Variants in ACOX3 observed in about 807,000 individuals in gnomAD.
The protein encoded by ACOX3 is acyl-CoA oxidase 3, pristanoyl, also known as peroxisomal acyl-coenzyme A oxidase 3.
ACOX3 carries 73 observed loss-of-function variants against 81.5 expected under a neutral mutation model. The ratio of observed to expected loss-of-function variants is 0.90; its 90% CI spans 0.74 to 1.09. ACOX3 has a LOEUF of 1.09. Among genes scored for constraint, ACOX3 ranks in the 50% least tolerant of loss-of-function variants. The pLI, the probability that ACOX3 is intolerant of heterozygous loss-of-function variation, is 0.00. For synonymous variants in ACOX3, 387 were observed against 375.1 expected, an observed-to-expected ratio of 1.03 and a Z score of -0.37; for missense variants, 947 against 928.0, an observed-to-expected ratio of 1.02 and a Z score of -0.27.
rs199886552 is a variant in ACOX3, at chr4:8,381,435, C to T, written c.1653+57G>A. On this transcript the variant is annotated intron_variant, in intron 14 of 17. Coordinates refer to ENST00000356406, the MANE Select transcript of ACOX3 (RefSeq NM_003501.3). The surrounding 1 kb of genome is among the most constrained non-coding windows in gnomAD (Gnocchi z 4.3). The stretch of plus-strand genomic sequence containing the variant: ...GATGTTCAAACTCCCAGGGACACAA[C>T]GGCCAGGGAATTAAGAGCAAATAAT... The T allele has an allele frequency of 1.3e-3, 1,916 of 1,502,090 alleles. 37 individuals are homozygous for T. In the South Asian group the frequency reaches 0.019, roughly 15 times the overall value. The allele number at this position is 1,502,090 out of a possible 1,614,324, so 93.0% of individuals were successfully genotyped here.
In ACOX3 at chr4:8,399,935, A is replaced by G. The variant is rs1459958655; in HGVS notation, c.777-283T>C. Among the ~76,000 whole-genome samples the G allele has an allele frequency of 2.0e-5, 3 of 152,188 alleles. No homozygotes were observed. The highest frequency in any genetic ancestry group is 7.2e-5 in the African/African-American group (3 of 41,440). ...GGCAACACAGTGAGACCCTGTTTCTAAAAAAGAAAAAAATGTAGGTTAAAA... is the reference window on the plus strand; with the variant it reads ...GGCAACACAGTGAGACCCTGTTTCTGAAAAAGAAAAAAATGTAGGTTAAAA... On this transcript the variant is annotated intron_variant, in intron 7 of 17. Coordinates refer to ENST00000356406, the MANE Select transcript of ACOX3 (RefSeq NM_003501.3). This position sits in a 1 kb window ranked among gnomAD's most constrained non-coding sequence, Gnocchi z 4.9.
At chr4:8,372,035 GCACA>G (rs1238003941) in intron 16 of ACOX3, among the ~76,000 whole-genome samples, 1 of 152,174 alleles carries the variant, frequency 6.6e-6, no homozygotes, top group Non-Finnish European at 1.5e-5. Flanking sequence ...GTATGGATGG[GCACA>G]CACAGAGTGG....
chr4:8,379,205 T>G (rs1033637094), intron 14 of ACOX3, among the ~76,000 whole-genome samples: 1 of 152,198 alleles, frequency 6.6e-6, no homozygotes, highest in African/African-American at 2.4e-5. Context: ...CCGGTTCCCA[T>G]CTTCCTGAAA....
Position 8,399,438 on chromosome 4 carries a change from G to T in ACOX3, c.873+118C>A, listed in dbSNP as rs553294975. 45 of 850,420 alleles carry T rather than the reference G, an allele frequency of 5.3e-5. No homozygotes were observed. In the African/African-American group the frequency reaches 6.5e-4, roughly 12 times the overall value. 52.7% of individuals were successfully genotyped at this position (850,420 alleles called of 1,614,324 possible). On this transcript the variant is annotated intron_variant, in intron 8 of 17. Transcript: ENST00000356406. This position sits in a 1 kb window ranked among gnomAD's most constrained non-coding sequence, Gnocchi z 4.9. ...CGAGCCAGGAGAAGTATGCCCCAGC[G>T]ACACCTGGCCTACGTGGAGGGGTCT...
chr4:8,426,435 G>C lies in ACOX3; in HGVS notation c.-14-9900C>G, dbSNP rs550675088. Among the ~76,000 whole-genome samples the C allele has an allele frequency of 2.6e-5, 4 of 152,156 alleles. No homozygotes were observed. The East Asian group carries it at 7.7e-4, about 29-fold the overall frequency. ...CGCTAGCTATTCCTGTGAACCTCTA[G>C]AGGATCTGCACCTGCTCTTCAAGCG... On this transcript the variant is annotated intron_variant, in intron 1 of 17. Transcript: ENST00000356406.
downstream of ACOX3, among the ~76,000 whole-genome samples, chr4:8,363,563 A>T (rs1047265150): frequency 4.6e-5 from 7 of 152,152 alleles, no homozygotes; most frequent in Non-Finnish European, 8.8e-5. Flanking sequence ...GTTGTCTTAT[A>T]AAAGGGAGGG....
In ACOX3 at chr4:8,425,013, C is replaced by T. The variant is rs192810446; in HGVS notation, c.-14-8478G>A. ...GAGAAGGAAAAAGGGTAAATATATA[C>T]ACAGACTCTAAGAATGCTTACCTAG... On this transcript the variant is annotated intron_variant, in intron 1 of 17. Coordinates refer to ENST00000356406, the MANE Select transcript of ACOX3 (RefSeq NM_003501.3). Among the ~76,000 whole-genome samples, 65 of 152,168 alleles carry T rather than the reference C, an allele frequency of 4.3e-4. 1 individual carries two copies. The highest frequency in any genetic ancestry group is 7.8e-4 in the Non-Finnish European group (53 of 68,036).
chr4:8,407,885 A>T lies in ACOX3; in HGVS notation c.688-1842T>A, dbSNP rs1721182061. ...CCACCTTCCCCTTCCCCACCAGGGG[A>T]CACGGGTGGTGTCTGGAGAGATTCT... On this transcript the variant is annotated intron_variant, in intron 6 of 17. Coordinates refer to ENST00000356406, the MANE Select transcript of ACOX3 (RefSeq NM_003501.3). The surrounding 1 kb of genome is among the most constrained non-coding windows in gnomAD (Gnocchi z 4.6). Among the ~76,000 whole-genome samples, 1 of 152,138 alleles carries T rather than the reference A, an allele frequency of 6.6e-6. No homozygotes were observed. The highest frequency in any genetic ancestry group is 1.5e-5 in the Non-Finnish European group (1 of 68,028).
chr4:8,375,211 G>C (rs1426718842), intron 14 of ACOX3, 59 bp from the exon 15 acceptor site: 3 of 1,455,514 alleles, frequency 2.1e-6, no homozygotes, highest in East Asian at 2.5e-5. Flanking sequence ...CCAGATTCCC[G>C]GGGGAGGAAG....
chr4:8,406,079 G>A lies in ACOX3; in HGVS notation c.688-36C>T, dbSNP rs1190718779. 2.5e-6 allele frequency: 4 copies of A among 1,589,380 alleles called. No homozygotes were observed. The African/African-American group carries it at 4.0e-5, about 16-fold the overall frequency. On this transcript the variant is annotated intron_variant, in intron 6 of 17. Coordinates refer to ENST00000356406, the MANE Select transcript of ACOX3 (RefSeq NM_003501.3). The surrounding 1 kb of genome is among the most constrained non-coding windows in gnomAD (Gnocchi z 5.6). ...CCACAGAAAGCAGCAAACAGCAACT[G>A]TTACAATCACACAAAAATCAAAACA...
intron 10 of ACOX3, 27 bp from the exon 11 acceptor site, chr4:8,392,480 C>G (rs1719118150): frequency 6.5e-7 from 1 of 1,530,170 alleles, no homozygotes; most frequent in South Asian, 1.3e-5. Context: ...CCAACAAGAA[C>G]AGGTGAAAAG....
At position 8,394,811 on chromosome 4, in the gene ACOX3, A is replaced by G. The variant is rs536522668; in HGVS notation, c.1057-69T>C. On this transcript the variant is annotated intron_variant, in intron 9 of 17. Transcript: ENST00000356406. The surrounding 1 kb of genome is among the most constrained non-coding windows in gnomAD (Gnocchi z 5.9). ...TGAAGGGCAGCCCATCCCAGGGACCATGAAAGCCAGTGCAGGGAGAGGCCG... is the reference window on the plus strand; with the variant it reads ...TGAAGGGCAGCCCATCCCAGGGACCGTGAAAGCCAGTGCAGGGAGAGGCCG... The G allele has an allele frequency of 1.5e-4, 230 of 1,561,136 alleles. 1 individual carries two copies. In the African/African-American group the frequency reaches 2.9e-3, roughly 20 times the overall value.
At chr4:8,361,298 C>T (rs56811269), downstream of ACOX3, among the ~76,000 whole-genome samples, 3,865 of 151,232 alleles carry the variant, frequency 0.026, 117 homozygotes, top group African/African-American at 0.073. Flanking sequence ...TGGTTGTGGG[C>T]GCCTGTAGTC....
intron 1 of ACOX3, chr4:8,436,427 C>G (rs1019018781): frequency 6.6e-6 from 1 of 152,150 alleles, no homozygotes; most frequent in Non-Finnish European, 1.5e-5. Context: ...CACTGACTCT[C>G]AGTATGCCTG....
At position 8,407,958 on chromosome 4, in the gene ACOX3, GA is replaced by G. The variant is rs1721193373; in HGVS notation, c.688-1916del. Among the ~76,000 whole-genome samples, 1 of 152,190 alleles carries G rather than the reference GA, an allele frequency of 6.6e-6. No individual in the cohort carries two copies. Among genetic ancestry groups the G allele is most frequent in the Non-Finnish European group, 1.5e-5 (1 of 68,034 alleles). ...TATGGCACAGAATGGCCAGACGCCAGAAGTGCTCAGCCCAGCCCTGGGCATA... is the reference window on the plus strand; with the variant it reads ...TATGGCACAGAATGGCCAGACGCCAGAGTGCTCAGCCCAGCCCTGGGCATA... On this transcript the variant is annotated intron_variant, in intron 6 of 17. Coordinates refer to ENST00000356406, the MANE Select transcript of ACOX3 (RefSeq NM_003501.3). The surrounding 1 kb of genome is among the most constrained non-coding windows in gnomAD (Gnocchi z 4.6).
Position 8,389,021 on chromosome 4 carries a change from C to G in ACOX3, c.1537+152G>C, listed in dbSNP as rs1401601501. On this transcript the variant is annotated intron_variant, in intron 13 of 17. Coordinates refer to ENST00000356406, the MANE Select transcript of ACOX3 (RefSeq NM_003501.3). This position sits in a 1 kb window ranked among gnomAD's most constrained non-coding sequence, Gnocchi z 5.3. ...CAGGCACAAAGAGATAGTCCATGAG[C>G]CAGCCCAGGACAAGCTGCATGCGGG... 3.2e-6 allele frequency: 2 copies of G among 630,816 alleles called. No individual in the cohort carries two copies. Among genetic ancestry groups the G allele is most frequent in the East Asian group, 5.5e-5 (2 of 36,046 alleles). 39.1% of individuals were successfully genotyped at this position (630,816 alleles called of 1,614,324 possible).
chr4:8,394,497 G>A lies in ACOX3; in HGVS notation c.1179+123C>T. On this transcript the variant is annotated intron_variant, in intron 10 of 17. Coordinates refer to ENST00000356406, the MANE Select transcript of ACOX3 (RefSeq NM_003501.3). The surrounding 1 kb of genome is among the most constrained non-coding windows in gnomAD (Gnocchi z 5.9). ...GAGCTCCGAGTGGGTGGGAACAACT[G>A]GAGGAATGCTCTGTCCTCGCAAATC... 6 of 1,425,430 alleles carry A rather than the reference G, an allele frequency of 4.2e-6. No homozygotes were observed. Among genetic ancestry groups the A allele is most frequent in the Non-Finnish European group, 5.6e-6 (6 of 1,070,770 alleles). The allele number at this position is 1,425,430 out of a possible 1,614,324, so 88.3% of individuals were successfully genotyped here. A position where few individuals can be genotyped will look rare whatever the true frequency, so the allele number is the denominator to read the frequency against.
intron 16 of ACOX3, among the ~76,000 whole-genome samples, chr4:8,371,213 C>T (rs1285916321): frequency 1.3e-5 from 2 of 152,166 alleles, no homozygotes; most frequent in African/African-American, 2.4e-5. Context: ...TCACTCAGGA[C>T]TTCTAGGGCT....
At chr4:8,373,886 C>A in intron 15 of ACOX3, 1 of 553,882 alleles carries the variant, frequency 1.8e-6, no homozygotes, top group Non-Finnish European at 3.2e-6. Context: ...GTCCCAGGCT[C>A]AGAGGTGACA....
Sources: allele counts gnomAD v4.1 joint callset (sites outside exome capture counted in the v4.1 genomes callset), GRCh38; gene constraint gnomAD v4.1.1; non-coding constraint Gnocchi (gnomAD v3.1); transcripts MANE v1.5; gene names NCBI Gene and HGNC (gene_info 2026-07-23, HGNC 2026-07-21).